Variants in COL14A1 observed in about 807,000 individuals in gnomAD.
The protein encoded by COL14A1 is collagen alpha-1(XIV) chain.
In COL14A1, 136 loss-of-function variants were observed where a neutral mutation model predicts 230.3. The observed-to-expected ratio is 0.59, with a 90% CI of 0.51 to 0.68. COL14A1 has a LOEUF of 0.68. Ranked by LOEUF, COL14A1 falls within the 30% of genes least tolerant of loss-of-function variation. The pLI is 0.00. For synonymous variants in COL14A1, 792 were observed against 784.1 expected (o/e 1.01, Z -0.17); for missense variants, 1,976 against 2,215.8 (o/e 0.89, Z 2.17).
At position 120,212,495 on chromosome 8, in the gene COL14A1, G is replaced by A. The variant is rs1817641906; in HGVS notation, c.1515G>A (p.Leu505=). Residue 505 remains leucine, a synonymous_variant, in exon 13 of 48, where the codon TTG becomes TTA. Coordinates refer to ENST00000297848, the MANE Select transcript of COL14A1 (RefSeq NM_021110.4). ...CAGATATTGAATTGAGTGGGTTGTTGCCCAATACAGAATACACAGTCACAG... is the reference window on the plus strand; with the variant it reads ...CAGATATTGAATTGAGTGGGTTGTTACCCAATACAGAATACACAGTCACAG... ...THTDIELSGL[L]PNTEYTVTVY... 6.2e-7 allele frequency: 1 copy of A among 1,613,458 alleles called. No homozygotes were observed. Among genetic ancestry groups the A allele is most frequent in the Non-Finnish European group, 8.5e-7 (1 of 1,179,646 alleles).
chr8:120,174,246 G>T (rs1327394496), intron 5 of COL14A1, among the ~76,000 whole-genome samples: 1 of 143,688 alleles, frequency 7.0e-6, no homozygotes, highest in Non-Finnish European at 1.5e-5. Context: ...AAGGAAGTTT[G>T]TGGGTTTGGA....
intron 1 of COL14A1, among the ~76,000 whole-genome samples, chr8:120,134,424 G>A (rs1814643679): frequency 6.6e-6 from 1 of 151,922 alleles, no homozygotes; most frequent in African/African-American, 2.4e-5. Context: ...TAGACATGGA[G>A]AATAAAAGTT....
intron 23 of COL14A1, among the ~76,000 whole-genome samples, chr8:120,259,073 A>T (rs555703438): frequency 1.3e-5 from 2 of 152,188 alleles, no homozygotes; most frequent in African/African-American, 4.8e-5. Context: ...ATTGACAAGG[A>T]TAGAGAACTG....
chr8:120,173,904 G>A (rs888160273), intron 5 of COL14A1, among the ~76,000 whole-genome samples: 1 of 152,076 alleles, frequency 6.6e-6, no homozygotes, highest in Non-Finnish European at 1.5e-5. Context: ...ATCTATTAAC[G>A]AGTTCAATGT....
chr8:120,138,651 T>C (rs1814790814), intron 1 of COL14A1, among the ~76,000 whole-genome samples: 1 of 152,320 alleles, frequency 6.6e-6, no homozygotes, highest in South Asian at 2.1e-4. Flanking sequence ...AACAGATAAG[T>C]GTAATAATTG....
intron 22 of COL14A1, among the ~76,000 whole-genome samples, chr8:120,253,476 G>C (rs760236398): frequency 1.3e-5 from 2 of 151,994 alleles, no homozygotes; most frequent in Non-Finnish European, 2.9e-5. Context: ...TTGTTTTATA[G>C]TCTTGTCCTT....
intron 40 of COL14A1, among the ~76,000 whole-genome samples, chr8:120,325,175 C>A (rs1360106065): frequency 6.6e-6 from 1 of 152,138 alleles, no homozygotes; most frequent in Non-Finnish European, 1.5e-5. Context: ...CCAACCATAA[C>A]TTAATAAGTT....
intron 32 of COL14A1, among the ~76,000 whole-genome samples, chr8:120,285,332 C>T (rs570548377): frequency 1.1e-4 from 16 of 151,676 alleles, no homozygotes; most frequent in South Asian, 2.1e-4. Context: ...GGCGTGGTGG[C>T]GGGTGCCTGT....
chr8:120,267,153 A>G (rs1444114310), intron 25 of COL14A1, among the ~76,000 whole-genome samples: 2 of 151,966 alleles, frequency 1.3e-5, no homozygotes, highest in African/African-American at 4.8e-5. Context: ...AAGGAAGCAT[A>G]GTTACATAAT....
Position 120,345,502 on chromosome 8 carries a change from A to AC in COL14A1, c.5021dup (p.Gly1675ArgfsTer86). ...CACCTGGAGCCCCTGGTGAACAAGG[A>AC]CCCCCAGGCACACCAGGCTTCCCCG... On this transcript the variant is annotated frameshift_variant, in exon 45 of 48. Coordinates refer to ENST00000297848, the MANE Select transcript of COL14A1 (RefSeq NM_021110.4). LOFTEE classifies it high-confidence loss of function. 2 of 1,595,170 alleles carry AC rather than the reference A, an allele frequency of 1.3e-6. No individual in the cohort carries two copies. Among genetic ancestry groups the AC allele is most frequent in the South Asian group, 1.1e-5 (1 of 87,960 alleles).
chr8:120,311,836 C>T (rs1415148411), intron 37 of COL14A1, among the ~76,000 whole-genome samples: 1 of 152,150 alleles, frequency 6.6e-6, no homozygotes, highest in Non-Finnish European at 1.5e-5. Flanking sequence ...GTGGATCATG[C>T]CTGTAATCTC....
chr8:120,206,265 G>A (rs987371804), intron 9 of COL14A1, among the ~76,000 whole-genome samples: 5 of 152,164 alleles, frequency 3.3e-5, no homozygotes, highest in African/African-American at 1.2e-4. Flanking sequence ...ATAGGAACTA[G>A]GGAGAAGTAG....
intron 42 of COL14A1, among the ~76,000 whole-genome samples, chr8:120,333,575 A>G (rs1421914609): frequency 1.3e-5 from 2 of 152,258 alleles, no homozygotes; most frequent in African/African-American, 4.8e-5. Flanking sequence ...ATGAGGATGG[A>G]AGCATCTAGT....
chr8:120,283,327 T>C (rs533343499), intron 31 of COL14A1, among the ~76,000 whole-genome samples: 1 of 152,166 alleles, frequency 6.6e-6, no homozygotes, highest in African/African-American at 2.4e-5. Flanking sequence ...GAGAAGTGAC[T>C]GATTAGGTAA....
At chr8:120,158,030 CT>C (rs1563641360) in intron 2 of COL14A1, 99 bp from the exon 3 acceptor site, 1 of 641,192 alleles carries the variant, frequency 1.6e-6, no homozygotes, top group African/African-American at 1.9e-5. Flanking sequence ...CTGATGAAGT[CT>C]TTTGTGTGTA....
rs397705616 is a variant in COL14A1 at position 120,280,903 on chromosome 8, CTTTT to C, written c.3686-6_3686-3del. On this transcript the variant is annotated splice_polypyrimidine_tract_variant and intron_variant, in intron 30 of 47. Coordinates refer to ENST00000297848, the MANE Select transcript of COL14A1 (RefSeq NM_021110.4). ...ATTCCTTATGTTTATTCTTTTTCTA[CTTTT>C]TTTTTTTTTTTAGGATTTAAGATGA... 310 of 1,396,122 alleles carry C rather than the reference CTTTT, an allele frequency of 2.2e-4. No homozygotes were observed. Among genetic ancestry groups the C allele is most frequent in the Admixed American group, 4.9e-4 (21 of 42,798 alleles). 86.5% of individuals were successfully genotyped at this position (1,396,122 alleles called of 1,614,324 possible).
intron 33 of COL14A1, 136 bp downstream of exon 33, chr8:120,286,106 C>T (rs1820192758): frequency 1.6e-6 from 1 of 619,144 alleles, no homozygotes; most frequent in Non-Finnish European, 2.9e-6. Context: ...TTAACAATAC[C>T]TGTGCTTGTT....
chr8:120,355,461 A>G (rs2130341801), intron 45 of COL14A1, among the ~76,000 whole-genome samples: 1 of 149,156 alleles, frequency 6.7e-6, no homozygotes, highest in African/African-American at 2.5e-5. Flanking sequence ...ACTGGATTGC[A>G]GTGGTGTGAT....
At chr8:120,209,700 T>C in intron 11 of COL14A1, 56 bp from the exon 12 acceptor site, 1 of 1,506,346 alleles carries the variant, frequency 6.6e-7, no homozygotes, top group East Asian at 2.3e-5. Flanking sequence ...ATAATTTCAT[T>C]TTTCTCAAGG....
Sources: gnomAD v4.1 joint callset for allele counts (sites outside exome capture counted in the v4.1 genomes callset) on GRCh38, gnomAD v4.1.1 for gene constraint, MANE v1.5 for transcripts, NCBI Gene and HGNC (gene_info 2026-07-23, HGNC 2026-07-21) for gene names.